Variants in VWA8 observed in about 807,000 individuals in gnomAD.
The protein encoded by VWA8 is von Willebrand factor A domain containing 8.
A neutral mutation model predicts 241.5 loss-of-function variants in VWA8; 221 were observed. The ratio of observed to expected loss-of-function variants is 0.91; its 90% CI spans 0.82 to 1.02. The LOEUF (loss-of-function observed/expected upper bound fraction) is 1.02, where lower values mean the gene tolerates loss of function less well. Among genes scored for constraint, VWA8 ranks in the 50% least tolerant of loss-of-function variants. The pLI is 0.00. For missense variants in VWA8, 2,322 were observed against 2,328.7 expected, an observed-to-expected ratio of 1.00 and a Z score of 0.06; for synonymous variants, 852 against 827.1, an observed-to-expected ratio of 1.03 and a Z score of -0.52.
At chr13:41,670,570 T>A (rs1226144872) in intron 37 of VWA8, among the ~76,000 whole-genome samples, 1 of 152,156 alleles carries the variant, frequency 6.6e-6, no homozygotes, top group African/African-American at 2.4e-5. Context: ...AGTTCCTAAA[T>A]GTTTCTGTTT....
At chr13:41,681,937 G>A (rs2045102628) in intron 35 of VWA8, among the ~76,000 whole-genome samples, 1 of 152,172 alleles carries the variant, frequency 6.6e-6, no homozygotes, top group South Asian at 2.1e-4. Flanking sequence ...AAGTCGGAGA[G>A]TTATGTAATG....
chr13:41,939,558 T>G (rs1181000226), intron 2 of VWA8, among the ~76,000 whole-genome samples: 1 of 152,008 alleles, frequency 6.6e-6, no homozygotes, highest in Non-Finnish European at 1.5e-5. Context: ...GGGGAAGATG[T>G]CCTGCTGTGC....
In VWA8 at chr13:41,648,692, A is replaced by G. The variant is rs2139686134; in HGVS notation, c.4611+22254T>C. 2.0e-5 allele frequency among the ~76,000 whole-genome samples: 3 copies of G among 152,338 alleles called. No homozygotes were observed. In the South Asian group the frequency reaches 6.2e-4, roughly 32 times the overall value. On this transcript the variant is annotated intron_variant, in intron 37 of 44. Coordinates refer to ENST00000379310, the MANE Select transcript of VWA8 (RefSeq NM_015058.2). The stretch of plus-strand genomic sequence containing the variant: ...CATACAGACCTACAAAAACTTTTTC[A>G]TCTTCTCAGGAGACATACAATTATA...
chr13:41,851,626 T>G (rs1209824819), intron 12 of VWA8, among the ~76,000 whole-genome samples: 4 of 152,134 alleles, frequency 2.6e-5, no homozygotes, highest in Non-Finnish European at 4.4e-5. Flanking sequence ...GCTCCAGTGA[T>G]GTAAGAAGTG....
intron 4 of VWA8, among the ~76,000 whole-genome samples, chr13:41,892,445 T>C (rs1490004357): frequency 6.6e-6 from 1 of 152,212 alleles, no homozygotes; most frequent in African/African-American, 2.4e-5. Context: ...TTAGTCTCCA[T>C]GGCACTGCAT....
At chr13:41,581,502 C>CTTAT (rs1375599777) in intron 42 of VWA8, among the ~76,000 whole-genome samples, 1 of 152,186 alleles carries the variant, frequency 6.6e-6, no homozygotes, top group Non-Finnish European at 1.5e-5. Flanking sequence ...GCTTATGAAA[C>CTTAT]ATCCTGCATT....
chr13:41,729,217 G>A (rs951998980), intron 23 of VWA8, among the ~76,000 whole-genome samples: 20 of 151,448 alleles, frequency 1.3e-4, no homozygotes, highest in African/African-American at 4.4e-4. Flanking sequence ...ATTATAATGA[G>A]CAAATTGAAA....
intron 26 of VWA8, among the ~76,000 whole-genome samples, chr13:41,711,670 C>G (rs576057777): frequency 1.8e-4 from 27 of 152,152 alleles, no homozygotes; most frequent in East Asian, 9.7e-4. Context: ...GTCAGGAGAT[C>G]GAGACCATCC....
chr13:41,930,975 C>T (rs1248238293), intron 2 of VWA8, among the ~76,000 whole-genome samples: 2 of 151,596 alleles, frequency 1.3e-5, no homozygotes, highest in Non-Finnish European at 2.9e-5. Flanking sequence ...ATGGTGAAAC[C>T]CCGTCTCTAC....
chr13:41,629,007 C>G (rs1306294372), intron 37 of VWA8, among the ~76,000 whole-genome samples: 13 of 152,082 alleles, frequency 8.5e-5, no homozygotes. Flanking sequence ...CACCACTGCA[C>G]TCCAGTCTGG....
intron 2 of VWA8, among the ~76,000 whole-genome samples, chr13:41,935,243 C>CTTA (rs1183915035): frequency 1.3e-5 from 2 of 152,072 alleles, no homozygotes; most frequent in East Asian, 3.9e-4. Flanking sequence ...TCCTAAAGTG[C>CTTA]TTATGTATTA....
At chr13:41,753,879 T>A (rs1372829623) in intron 21 of VWA8, among the ~76,000 whole-genome samples, 1 of 152,188 alleles carries the variant, frequency 6.6e-6, no homozygotes, top group Non-Finnish European at 1.5e-5. Flanking sequence ...ATCCATAGAT[T>A]AGAGAAGTCT....
At chr13:41,758,538 T>G (rs2045716300) in intron 21 of VWA8, among the ~76,000 whole-genome samples, 1 of 112,844 alleles carries the variant, frequency 8.9e-6, no homozygotes, top group African/African-American at 3.4e-5. Context: ...GGAATACAAT[T>G]GATTTTTGTA....
intron 29 of VWA8, among the ~76,000 whole-genome samples, chr13:41,696,493 C>G (rs943740373): frequency 2.0e-5 from 3 of 152,068 alleles, no homozygotes; most frequent in Admixed American, 2.0e-4. Flanking sequence ...ATCTTTTTCC[C>G]CAAATCTGTA....
At position 41,590,553 on chromosome 13, in the gene VWA8, G is replaced by C. The variant is rs2044447606; in HGVS notation, c.5112+87C>G. ...CTTGGTTACCATATTCAGGATTTGTGATATTTTGACACAACTCACGAAAGC... is the reference window on the plus strand; with the variant it reads ...CTTGGTTACCATATTCAGGATTTGTCATATTTTGACACAACTCACGAAAGC... On this transcript the variant is annotated intron_variant, in intron 41 of 44. Coordinates refer to ENST00000379310, the MANE Select transcript of VWA8 (RefSeq NM_015058.2). 6 of 1,207,260 alleles carry C rather than the reference G, an allele frequency of 5.0e-6. No homozygotes were observed. The Middle Eastern group carries it at 1.1e-3, about 212-fold the overall frequency. 74.8% of individuals were successfully genotyped at this position (1,207,260 alleles called of 1,614,324 possible).
chr13:41,850,476 G>C (rs111426701), intron 12 of VWA8, among the ~76,000 whole-genome samples: 2,755 of 152,202 alleles, frequency 0.018, 32 homozygotes, highest in Middle Eastern at 0.058. Flanking sequence ...GGACTCTGAA[G>C]ACTCAGCCTC....
At chr13:41,699,817 CT>C (rs2045238342) in intron 28 of VWA8, among the ~76,000 whole-genome samples, 1 of 152,116 alleles carries the variant, frequency 6.6e-6, no homozygotes, top group Non-Finnish European at 1.5e-5. Context: ...AAATCTCTGT[CT>C]TTTCAATCTG....
At chr13:41,931,102 T>C (rs1593878747) in intron 2 of VWA8, among the ~76,000 whole-genome samples, 5 of 148,932 alleles carry the variant, frequency 3.4e-5, no homozygotes, top group African/African-American at 1.2e-4. Flanking sequence ...TGAGCCGAGA[T>C]TGCGCCACTG....
At chr13:41,720,791 T>C (rs987044771) in intron 25 of VWA8, among the ~76,000 whole-genome samples, 3 of 152,162 alleles carry the variant, frequency 2.0e-5, no homozygotes, top group Non-Finnish European at 4.4e-5. Context: ...GTTGTGACTG[T>C]TAGCTTGGAG....
Sources: gnomAD v4.1 joint callset for allele counts (sites outside exome capture counted in the v4.1 genomes callset) on GRCh38, gnomAD v4.1.1 for gene constraint, MANE v1.5 for transcripts, NCBI Gene and HGNC (gene_info 2026-07-23, HGNC 2026-07-21) for gene names.